The following PLCE1 variants were observed in gnomAD, a reference collection of about 807,000 sequenced individuals.
PLCE1 encodes 1-phosphatidylinositol 4,5-bisphosphate phosphodiesterase epsilon-1.
Under a neutral mutation model 242.8 loss-of-function variants are expected in PLCE1, and 119 were observed. That is an observed-to-expected ratio of 0.49 (90% CI 0.42 to 0.57). The LOEUF is 0.57. Ranked by LOEUF, PLCE1 falls within the 20% of genes least tolerant of loss-of-function variation. The pLI is 0.00. For synonymous variants in PLCE1, 945 were observed against 1,017.4 expected, an observed-to-expected ratio of 0.93 and a Z score of 1.35; for missense variants, 2,441 against 2,788.8, an observed-to-expected ratio of 0.88 and a Z score of 2.81.
chr10:94,099,563 G>C (rs1006827990), intron 2 of PLCE1: 1 of 152,138 alleles, frequency 6.6e-6, no homozygotes, highest in African/African-American at 2.4e-5. Flanking sequence ...TTGTTTATAA[G>C]GAGGGAGCTA....
intron 19 of PLCE1, among the ~76,000 whole-genome samples, chr10:94,275,817 A>AGTCT (rs953810199): frequency 1.3e-5 from 2 of 152,062 alleles, no homozygotes; most frequent in Non-Finnish European, 2.9e-5. Flanking sequence ...TCTGGGCCAT[A>AGTCT]GAGTAAGACC....
chr10:94,204,876 A>C (rs1429997598), intron 4 of PLCE1, among the ~76,000 whole-genome samples: 1 of 152,160 alleles, frequency 6.6e-6, no homozygotes, highest in Non-Finnish European at 1.5e-5. Flanking sequence ...TGGCAAAAGC[A>C]ATCTCCTTTT....
At chr10:94,165,166 T>G (rs1462871820) in intron 3 of PLCE1, among the ~76,000 whole-genome samples, 1 of 152,224 alleles carries the variant, frequency 6.6e-6, no homozygotes, top group African/African-American at 2.4e-5. Flanking sequence ...TCAAAGCTGT[T>G]AGACAGGGAC....
chr10:94,031,111 C>T lies in PLCE1; in HGVS notation c.65C>T (p.Ala22Val), dbSNP rs538129490. ...IPVTQRKVVS[A>V]QSAADESSEK... ...GTGACTCAGAGAAAAGTGGTTTCTG[C>T]CCAGTCGGCTGCAGATGAAAGTAGT... is the stretch of plus-strand genomic sequence containing the variant. The change falls in exon 2 of 33, where the codon GCC becomes GTC. Residue 22 changes from alanine to valine, a missense_variant. Transcript: ENST00000371380. The T allele has an allele frequency of 3.7e-6, 6 of 1,613,650 alleles. No homozygotes were observed. The African/African-American group carries it at 6.7e-5, about 18-fold the overall frequency.
chr10:94,013,516 C>T (rs760503394), intron 1 of PLCE1, among the ~76,000 whole-genome samples: 2 of 152,176 alleles, frequency 1.3e-5, no homozygotes, highest in Non-Finnish European at 2.9e-5. Flanking sequence ...ACTGATTATA[C>T]AAAAGGAAAC....
At chr10:94,227,543 C>A in intron 5 of PLCE1, 92 bp downstream of exon 5, 2 of 1,175,408 alleles carry the variant, frequency 1.7e-6, no homozygotes, top group Non-Finnish European at 2.6e-6. Context: ...TCACCTTTAC[C>A]CAAGCCAGGT....
rs765625216 is a variant in PLCE1, at chr10:94,268,953, G to A, written c.4306G>A (p.Val1436Ile). ...GGTCCTTTTGCAAGGCTGTCGAAGT[G>A]TAGAATTGGACTGCTGGGACGGAGA... ...SQVLLQGCRS[V>I]ELDCWDGDDG... Residue 1436 changes from valine to isoleucine, a missense_variant, in exon 17 of 33, where the codon GTA (valine) becomes ATA (isoleucine). Transcript: ENST00000371380. 3.7e-6 allele frequency: 6 copies of A among 1,612,404 alleles called. No individual in the cohort carries two copies. Among genetic ancestry groups the A allele is most frequent in the South Asian group, 1.1e-5 (1 of 91,058 alleles).
chr10:94,241,043 C>T (rs2050487712), intron 7 of PLCE1, among the ~76,000 whole-genome samples: 1 of 152,184 alleles, frequency 6.6e-6, no homozygotes, highest in Non-Finnish European at 1.5e-5. Context: ...TAGTTTCCTG[C>T]TTGAAATGAA....
At chr10:94,262,869 T>G (rs984050688) in intron 14 of PLCE1, 137 bp downstream of exon 14, 39 of 769,150 alleles carry the variant, frequency 5.1e-5, no homozygotes, top group Admixed American at 3.7e-4. Flanking sequence ...TTGTTTTTTT[T>G]TTTGTTTTTT....
At chr10:94,323,135 A>AC (rs1413840801) in intron 30 of PLCE1, among the ~76,000 whole-genome samples, 4 of 152,172 alleles carry the variant, frequency 2.6e-5, no homozygotes, top group African/African-American at 9.7e-5. Context: ...GTAGGTACTG[A>AC]CCATCTCTCA....
intron 4 of PLCE1, among the ~76,000 whole-genome samples, chr10:94,183,064 C>T (rs2048360760): frequency 6.6e-6 from 1 of 152,198 alleles, no homozygotes; most frequent in African/African-American, 2.4e-5. Flanking sequence ...AAGATCAGGT[C>T]AGCTTTGGTC....
intron 4 of PLCE1, among the ~76,000 whole-genome samples, chr10:94,205,933 A>G (rs1425774173): frequency 1.3e-5 from 2 of 152,338 alleles, no homozygotes; most frequent in South Asian, 2.1e-4. Flanking sequence ...ACTGTGTGCC[A>G]TGCACTGTTC....
intron 4 of PLCE1, among the ~76,000 whole-genome samples, chr10:94,201,434 C>G (rs1332238157): frequency 2.0e-5 from 3 of 152,124 alleles, no homozygotes; most frequent in African/African-American, 7.2e-5. Flanking sequence ...AGCATTTGCC[C>G]CACTAAAAAA....
chr10:94,234,378 T>C lies in PLCE1; in HGVS notation c.2214+66T>C. 3.9e-6 allele frequency: 6 copies of C among 1,520,138 alleles called. 1 individual carries two copies. The South Asian group carries it at 5.6e-5, about 14-fold the overall frequency. 94.2% of individuals were successfully genotyped at this position (1,520,138 alleles called of 1,614,324 possible). ...TTGCTGGCTGTCTCATCAGGCCCTG[T>C]CTGTGCTCACCAAAGAAATGATCAC... On this transcript the variant is annotated intron_variant, in intron 6 of 32. Coordinates refer to ENST00000371380, the MANE Select transcript of PLCE1 (RefSeq NM_016341.4).
At chr10:94,196,151 A>C (rs1487485614) in intron 4 of PLCE1, among the ~76,000 whole-genome samples, 3 of 152,174 alleles carry the variant, frequency 2.0e-5, no homozygotes, top group Non-Finnish European at 4.4e-5. Context: ...TCTGATACTT[A>C]ATGTATAAGG....
rs1307311326 is a variant in PLCE1, at chr10:94,313,184, C to G, written c.6004-70C>G. ...TATCCGTACTTCTAAGTACTAGCAC[C>G]TCTGTATCAAATAGAGCTTAGAAAT... On this transcript the variant is annotated intron_variant, in intron 27 of 32. Transcript: ENST00000371380. 3.2e-6 allele frequency: 5 copies of G among 1,575,880 alleles called. No homozygotes were observed. The Admixed American group carries it at 8.3e-5, about 26-fold the overall frequency.
At chr10:94,129,907 A>G (rs896354910) in intron 2 of PLCE1, among the ~76,000 whole-genome samples, 2 of 151,972 alleles carry the variant, frequency 1.3e-5, no homozygotes, top group African/African-American at 2.4e-5. Flanking sequence ...GGCCTTTCTC[A>G]TTCCCCAGTT....
At chr10:94,213,367 G>A (rs1589359335) in intron 4 of PLCE1, among the ~76,000 whole-genome samples, 1 of 152,204 alleles carries the variant, frequency 6.6e-6, no homozygotes, top group African/African-American at 2.4e-5. Flanking sequence ...CCCATCAAAT[G>A]TTGTAACCAC....
At chr10:94,106,772 C>T (rs1470346677) in intron 2 of PLCE1, among the ~76,000 whole-genome samples, 1 of 151,994 alleles carries the variant, frequency 6.6e-6, no homozygotes, top group Non-Finnish European at 1.5e-5. Flanking sequence ...CCAGTCCTCT[C>T]CTCTCTGGGA....
Sources: gnomAD v4.1 joint callset for allele counts (sites outside exome capture counted in the v4.1 genomes callset) on GRCh38, gnomAD v4.1.1 for gene constraint, MANE v1.5 for transcripts, NCBI Gene and HGNC (gene_info 2026-07-23, HGNC 2026-07-21) for gene names.